MGMT: variants seen among roughly 807,000 people sequenced by gnomAD.
MGMT encodes the protein O-6-methylguanine-DNA methyltransferase.
MGMT carries 14 observed loss-of-function variants against 15.9 expected under a neutral mutation model. The observed-to-expected ratio is 0.88, with a 90% confidence interval of 0.58 to 1.37. The LOEUF (loss-of-function observed/expected upper bound fraction) is 1.37. MGMT is among the 40% of genes most tolerant of loss of function. The pLI is 0.00. For missense variants in MGMT, 282 were observed against 268.1 expected, an observed-to-expected ratio of 1.05 and a Z score of -0.36; for synonymous variants, 130 against 118.2, an observed-to-expected ratio of 1.10 and a Z score of -0.65.
rs200384311 is a variant in MGMT, at chr10:129,668,284, TA to T, written c.126-39598del. Among the ~76,000 whole-genome samples the T allele has an allele frequency of 3.2e-3, 464 of 144,620 alleles. 1 individual carries two copies. The highest frequency in any genetic ancestry group is 7.2e-3 in the Middle Eastern group (2 of 276). 94.9% of individuals were successfully genotyped at this position (144,620 alleles called of 152,430 possible). ...GATAGTCTCTGCTACATATTCATCT[TA>T]AAAAAAAAAAAAGAATAACCTTTAG... On this transcript the variant is annotated intron_variant, in intron 2 of 4. Transcript: ENST00000651593.
intron 2 of MGMT, among the ~76,000 whole-genome samples, chr10:129,554,016 G>A (rs374515496): frequency 4.6e-5 from 7 of 152,364 alleles, no homozygotes; most frequent in African/African-American, 1.7e-4. Flanking sequence ...TGTGATTGCA[G>A]GAGGGAGCTG....
chr10:129,517,724 C>G (rs1336824512), intron 1 of MGMT, among the ~76,000 whole-genome samples: 1 of 152,186 alleles, frequency 6.6e-6, no homozygotes, highest in Non-Finnish European at 1.5e-5. Context: ...GCCCTGTTTG[C>G]TCAGGGTGGG....
intron 2 of MGMT, among the ~76,000 whole-genome samples, chr10:129,683,000 C>T (rs1709631667): frequency 6.6e-6 from 1 of 152,198 alleles, no homozygotes; most frequent in African/African-American, 2.4e-5. Flanking sequence ...AGGCGCACGC[C>T]ACCATGTCCG....
intron 1 of MGMT, among the ~76,000 whole-genome samples, chr10:129,496,281 GCTGGTC>G (rs1264435393): frequency 2.0e-5 from 3 of 152,086 alleles, no homozygotes; most frequent in Admixed American, 6.6e-5. Context: ...CGCTCCAAAA[GCTGGTC>G]CGATTCTTGC....
chr10:129,638,446 G>GAGAAAAAAAAAAAAAAAAAAAAAAAAAAA (rs1847289125), intron 2 of MGMT, among the ~76,000 whole-genome samples: 1 of 96,316 alleles, frequency 1.0e-5, no homozygotes, highest in African/African-American at 3.8e-5. Context: ...AAAAAAAAAA[G>GAGAAAAAAAAAAAAAAAAAAAAAAAAAAA]AAAAAAAAAA....
Position 129,707,899 on chromosome 10 carries a change from G to T in MGMT, c.130G>T (p.Val44Leu). The T allele has an allele frequency of 6.2e-7, 1 of 1,611,468 alleles. No individual in the cohort carries two copies. Among genetic ancestry groups the T allele is most frequent in the Non-Finnish European group, 8.5e-7 (1 of 1,179,986 alleles). Residue 44 changes from valine (V) to leucine (L), a missense_variant, in exon 3 of 5, where the codon GTG becomes TTG. Coordinates refer to ENST00000651593, the MANE Select transcript of MGMT (RefSeq NM_002412.5). Reference protein sequence around the residue: ...LGKGTSAADAVEVPAPAAVLG... With the variant: ...LGKGTSAADALEVPAPAAVLG... ...CCCCTGTTCTCACTTTTGCAGTGCC[G>T]TGGAGGTCCCAGCCCCCGCTGCGGT... is the stretch of plus-strand genomic sequence containing the variant.
At chr10:129,588,127 G>A (rs1236545598) in intron 2 of MGMT, among the ~76,000 whole-genome samples, 1 of 152,116 alleles carries the variant, frequency 6.6e-6, no homozygotes, top group African/African-American at 2.4e-5. Flanking sequence ...TCATGGCCGG[G>A]GACTCATGGC....
chr10:129,733,084 G>T (rs1344885729), intron 3 of MGMT, among the ~76,000 whole-genome samples: 4 of 149,244 alleles, frequency 2.7e-5, no homozygotes, highest in Non-Finnish European at 5.9e-5. Flanking sequence ...GTAATGGGAT[G>T]GCTGGGTCAA....
chr10:129,568,044 T>C (rs1846375694), intron 2 of MGMT, among the ~76,000 whole-genome samples: 1 of 152,120 alleles, frequency 6.6e-6, no homozygotes, highest in Admixed American at 6.6e-5. Context: ...TAAAACAAAA[T>C]AAACAATTCA....
chr10:129,699,783 GTTTAC>G (rs779980560), intron 2 of MGMT, among the ~76,000 whole-genome samples: 2 of 152,126 alleles, frequency 1.3e-5, no homozygotes, highest in Non-Finnish European at 2.9e-5. Flanking sequence ...AAGACCTCCT[GTTTAC>G]TTCTGCGCTA....
At chr10:129,653,885 C>T (rs1245667262) in intron 2 of MGMT, among the ~76,000 whole-genome samples, 1 of 152,112 alleles carries the variant, frequency 6.6e-6, no homozygotes, top group Non-Finnish European at 1.5e-5. Flanking sequence ...TGAGGAGGAC[C>T]CTGTGCTGGG....
chr10:129,588,822 A>G (rs563615379), intron 2 of MGMT, among the ~76,000 whole-genome samples: 197 of 152,374 alleles, frequency 1.3e-3, no homozygotes, highest in Non-Finnish European at 2.4e-3. Context: ...TGGAGCTGGT[A>G]TCTTTACACT....
At chr10:129,504,549 A>G (rs1297398153) in intron 1 of MGMT, among the ~76,000 whole-genome samples, 4 of 152,226 alleles carry the variant, frequency 2.6e-5, no homozygotes, top group African/African-American at 9.6e-5. Flanking sequence ...AGAACATTCT[A>G]CATTCTTGAT....
chr10:129,495,347 GGTTAA>G (rs1487642540), intron 1 of MGMT, among the ~76,000 whole-genome samples: 1 of 152,154 alleles, frequency 6.6e-6, no homozygotes, highest in Non-Finnish European at 1.5e-5. Flanking sequence ...TGTGAAACTG[GGTTAA>G]GTTATTTTGG....
intron 1 of MGMT, among the ~76,000 whole-genome samples, chr10:129,535,789 TA>T (rs1299769428): frequency 6.6e-6 from 1 of 152,266 alleles, no homozygotes; most frequent in Non-Finnish European, 1.5e-5. Flanking sequence ...TCTGTTTTTG[TA>T]AGTCATTGCA....
At chr10:129,695,842 G>A (rs1188434749) in intron 2 of MGMT, among the ~76,000 whole-genome samples, 3 of 152,192 alleles carry the variant, frequency 2.0e-5, no homozygotes, top group Non-Finnish European at 4.4e-5. Context: ...CAGCCTGCAG[G>A]CCTTATCAGG....
chr10:129,545,057 C>T (rs187382219), intron 2 of MGMT, among the ~76,000 whole-genome samples: 4 of 152,288 alleles, frequency 2.6e-5, no homozygotes, highest in East Asian at 3.9e-4. Context: ...CACTGCACTT[C>T]GTCCTTGGGA....
chr10:129,680,458 C>T (rs1847837114), intron 2 of MGMT, among the ~76,000 whole-genome samples: 1 of 152,216 alleles, frequency 6.6e-6, no homozygotes, highest in African/African-American at 2.4e-5. Context: ...AGCACTGAGA[C>T]ATGCAGGCAT....
intron 2 of MGMT, among the ~76,000 whole-genome samples, chr10:129,588,931 C>T (rs1014776334): frequency 2.6e-5 from 4 of 152,254 alleles, no homozygotes; most frequent in Non-Finnish European, 4.4e-5. Context: ...AGATTCCCCT[C>T]AGGGGGAGGG....
Sources: gnomAD v4.1 joint callset for allele counts (sites outside exome capture counted in the v4.1 genomes callset) on GRCh38, gnomAD v4.1.1 for gene constraint, MANE v1.5 for transcripts, NCBI Gene and HGNC (gene_info 2026-07-23, HGNC 2026-07-21) for gene names.